Variants in IL20RB observed in about 807,000 individuals in gnomAD.
IL20RB encodes interleukin 20 receptor subunit beta, also known as interleukin-20 receptor subunit beta.
In IL20RB, 21 loss-of-function variants were observed where a neutral mutation model predicts 33.3. The observed-to-expected ratio is 0.63, with a 90% CI of 0.45 to 0.91. IL20RB has a LOEUF of 0.91. IL20RB is among the 40% of genes least tolerant of loss of function. The pLI, the probability that IL20RB is intolerant of heterozygous loss-of-function variation, is 0.00. For missense variants in IL20RB, 345 were observed against 384.8 expected, an observed-to-expected ratio of 0.90 and a Z score of 0.86; for synonymous variants, 147 against 146.8, an observed-to-expected ratio of 1.00 and a Z score of -0.01.
chr3:137,010,797 A>G lies in IL20RB; in HGVS notation c.*574A>G, dbSNP rs1337981038. ...TGGTGTTGAGTTCACTTCAAGCCCA[A>G]TGCCGGTGCAGAGGGGAATGGCTTA... is the stretch of plus-strand genomic sequence containing the variant. On this transcript the variant is annotated 3_prime_UTR_variant, in exon 7 of 7. Coordinates refer to ENST00000329582, the MANE Select transcript of IL20RB (RefSeq NM_144717.4). 6.6e-6 allele frequency: 1 copy of G among 152,378 alleles called. No individual in the cohort carries two copies. The highest frequency in any genetic ancestry group is 2.4e-5 in the African/African-American group (1 of 41,450). 9.4% of individuals were successfully genotyped at this position (152,378 alleles called of 1,614,324 possible). A position where few individuals can be genotyped will look rare whatever the true frequency, so the allele number is the denominator to read the frequency against.
intron 5 of IL20RB, among the ~76,000 whole-genome samples, chr3:136,992,596 G>T (rs972682147): frequency 2.0e-5 from 3 of 152,156 alleles, no homozygotes; most frequent in Non-Finnish European, 2.9e-5. Flanking sequence ...CCTTTGAAAA[G>T]AAGCAAAACC....
chr3:137,007,256 T>C (rs940972362), intron 6 of IL20RB, among the ~76,000 whole-genome samples: 1 of 152,108 alleles, frequency 6.6e-6, no homozygotes, highest in Non-Finnish European at 1.5e-5. Context: ...GTGACCCACT[T>C]GAAGAGGCAG....
At chr3:136,977,078 A>T (rs1290169956) in intron 1 of IL20RB, among the ~76,000 whole-genome samples, 1 of 152,100 alleles carries the variant, frequency 6.6e-6, no homozygotes, top group East Asian at 1.9e-4. Context: ...GTTTCCTGTA[A>T]CTTTTCTGTT....
chr3:136,995,485 C>T lies in IL20RB; in HGVS notation c.754C>T (p.Leu252=). 1 of 1,614,152 alleles carries T rather than the reference C, an allele frequency of 6.2e-7. No individual in the cohort carries two copies. The highest frequency in any genetic ancestry group is 1.1e-5 in the South Asian group (1 of 91,084). The change falls in exon 6 of 7, where the codon CTG becomes TTG. Residue 252 remains leucine (L), a synonymous_variant. Transcript: ENST00000329582. ...CATGCTGATCCTTGTGGTCGTGCCA[C>T]TGTTCGTCTGGAAAATGGGCCGGCT... ...GFMLILVVVP[L]FVWKMGRLLQ...
At chr3:136,969,701 GAGC>G in intron 1 of IL20RB, among the ~76,000 whole-genome samples, 1 of 152,168 alleles carries the variant, frequency 6.6e-6, no homozygotes, top group Non-Finnish European at 1.5e-5. Flanking sequence ...CTGTTCACCA[GAGC>G]TGTTCCTATT....
chr3:136,960,426 A>G (rs896296669), intron 1 of IL20RB, among the ~76,000 whole-genome samples: 1 of 152,248 alleles, frequency 6.6e-6, no homozygotes, highest in Non-Finnish European at 1.5e-5. Flanking sequence ...GATTACAGGC[A>G]TGAGCCACCA....
chr3:136,988,877 C>T (rs1002800241), intron 3 of IL20RB, among the ~76,000 whole-genome samples: 3 of 152,200 alleles, frequency 2.0e-5, no homozygotes, highest in Non-Finnish European at 1.5e-5. Context: ...CCAGTACATG[C>T]CACAGATCTG....
intron 4 of IL20RB, among the ~76,000 whole-genome samples, chr3:136,991,493 G>A (rs570244048): frequency 6.6e-6 from 1 of 152,344 alleles, no homozygotes; most frequent in African/African-American, 2.4e-5. Flanking sequence ...CTGAATGAAT[G>A]TATGTGTGAG....
Position 136,992,044 on chromosome 3 carries a change from G to A in IL20RB, c.638G>A (p.Gly213Glu), listed in dbSNP as rs1560074492. The A allele has an allele frequency of 6.2e-7, 1 of 1,614,218 alleles. No homozygotes were observed. The highest frequency in any genetic ancestry group is 8.5e-7 in the Non-Finnish European group (1 of 1,180,046). ...GCCCAGACATTCGTGAAGGCCATTG[G>A]GAGGTACAGCGCCTTCAGCCAGACA... ...VKAQTFVKAI[G>E]RYSAFSQTEC... Residue 213 changes from glycine (G) to glutamate (E), a missense_variant, in exon 5 of 7, where the codon GGG becomes GAG. Physicochemically the swap from Gly to Glu is moderately conservative, Grantham distance 98 (BLOSUM62 -2). Transcript: ENST00000329582.
chr3:136,977,184 TTC>T (rs974461430), intron 1 of IL20RB, among the ~76,000 whole-genome samples: 13 of 152,262 alleles, frequency 8.5e-5, no homozygotes, highest in African/African-American at 3.1e-4. Context: ...CATGAAATGC[TTC>T]TGGTCAGCCA....
At chr3:137,009,561 C>T (rs767821631) in intron 6 of IL20RB, among the ~76,000 whole-genome samples, 3 of 152,054 alleles carry the variant, frequency 2.0e-5, no homozygotes, top group Non-Finnish European at 2.9e-5. Context: ...GTTGTTGAGA[C>T]AGGGTCTTGC....
At chr3:136,999,734 C>A (rs1314597292) in intron 6 of IL20RB, among the ~76,000 whole-genome samples, 2 of 152,080 alleles carry the variant, frequency 1.3e-5, no homozygotes, top group Non-Finnish European at 2.9e-5. Flanking sequence ...TCTTCTTGTT[C>A]ACTGACTCTT....
At chr3:136,981,612 C>G (rs547280014) in intron 2 of IL20RB, among the ~76,000 whole-genome samples, 70 of 152,240 alleles carry the variant, frequency 4.6e-4, no homozygotes, top group Non-Finnish European at 7.8e-4. Context: ...AGGGGCAGAG[C>G]GTTTGAGATG....
chr3:137,008,053 G>T (rs1932974956), intron 6 of IL20RB, among the ~76,000 whole-genome samples: 1 of 152,134 alleles, frequency 6.6e-6, no homozygotes, highest in South Asian at 2.1e-4. Flanking sequence ...TTTGCTTCAT[G>T]GGAATGGGTG....
At chr3:136,963,439 T>C (rs1294739605) in intron 1 of IL20RB, among the ~76,000 whole-genome samples, 4 of 152,222 alleles carry the variant, frequency 2.6e-5, no homozygotes, top group Non-Finnish European at 5.9e-5. Flanking sequence ...TTCTGTATCC[T>C]TGCCAGCATT....
chr3:137,000,132 T>C (rs1942212140), intron 6 of IL20RB, among the ~76,000 whole-genome samples: 1 of 152,192 alleles, frequency 6.6e-6, no homozygotes, highest in Non-Finnish European at 1.5e-5. Context: ...CTGAAAACTA[T>C]TGATTTTTTT....
intron 3 of IL20RB, among the ~76,000 whole-genome samples, chr3:136,982,944 A>G (rs963118695): frequency 6.6e-6 from 1 of 152,212 alleles, no homozygotes; most frequent in Non-Finnish European, 1.5e-5. Flanking sequence ...ATAAAAGGAC[A>G]TGTGTGTTTG....
intron 3 of IL20RB, among the ~76,000 whole-genome samples, chr3:136,988,331 T>C (rs1941959321): frequency 6.6e-6 from 1 of 152,212 alleles, no homozygotes. Context: ...GTTCTTGGTC[T>C]GCTGATGGGA....
At chr3:136,973,529 T>C (rs1941542310) in intron 1 of IL20RB, among the ~76,000 whole-genome samples, 1 of 152,164 alleles carries the variant, frequency 6.6e-6, no homozygotes, top group African/African-American at 2.4e-5. Context: ...AAAGAATATA[T>C]ATTCTGCAGT....
Sources: gnomAD v4.1 joint callset for allele counts (sites outside exome capture counted in the v4.1 genomes callset) on GRCh38, gnomAD v4.1.1 for gene constraint, MANE v1.5 for transcripts, NCBI Gene and HGNC (gene_info 2026-07-23, HGNC 2026-07-21) for gene names.